The following GRID2 variants were observed in gnomAD, a reference collection of about 807,000 sequenced individuals.
GRID2 encodes the protein glutamate ionotropic receptor delta type subunit 2.
GRID2 carries 33 observed loss-of-function variants against 114.8 expected under a neutral mutation model. The ratio of observed to expected loss-of-function variants is 0.29; its 90% CI spans 0.22 to 0.38. The LOEUF is 0.38. GRID2 is among the 10% of genes least tolerant of loss of function. The pLI is 1.00. For missense variants in GRID2, 1,184 were observed against 1,257.7 expected, an observed-to-expected ratio of 0.94 and a Z score of 0.89; for synonymous variants, 505 against 449.9, an observed-to-expected ratio of 1.12 and a Z score of -1.55.
intron 2 of GRID2, among the ~76,000 whole-genome samples, chr4:92,810,151 A>G (rs1740600545): frequency 6.6e-6 from 1 of 151,974 alleles, no homozygotes; most frequent in Non-Finnish European, 1.5e-5. Flanking sequence ...ATAAATTTGA[A>G]TGTCACTTAT....
At chr4:93,279,289 C>A (rs552347043) in intron 8 of GRID2, among the ~76,000 whole-genome samples, 2 of 151,804 alleles carry the variant, frequency 1.3e-5, no homozygotes, top group East Asian at 3.9e-4. Context: ...TTCACTTAGG[C>A]ACACTACGAG....
chr4:93,805,628 A>G (rs181732120), intron 1 of GRID2, among the ~76,000 whole-genome samples: 51 of 152,348 alleles, frequency 3.3e-4, no homozygotes, highest in African/African-American at 1.0e-3. Context: ...TAACAAGGAC[A>G]TAGAGGTAAG....
intron 9 of GRID2, among the ~76,000 whole-genome samples, chr4:93,400,977 C>T (rs1765825041): frequency 6.6e-6 from 1 of 151,986 alleles, no homozygotes; most frequent in Admixed American, 6.6e-5. Context: ...GCTGGGACTA[C>T]AGGTGCATGC....
chr4:93,199,030 TA>T (rs1310063577), intron 4 of GRID2, among the ~76,000 whole-genome samples: 1 of 152,132 alleles, frequency 6.6e-6, no homozygotes, highest in African/African-American at 2.4e-5. Context: ...AAATAATAGC[TA>T]CAAGAAAATA....
intron 2 of GRID2, among the ~76,000 whole-genome samples, chr4:93,055,466 A>T (rs984332607): frequency 6.6e-6 from 1 of 151,864 alleles, no homozygotes; most frequent in Non-Finnish European, 1.5e-5. Flanking sequence ...ACATGTATAC[A>T]TATGTAACTA....
chr4:92,859,426 A>G (rs1744387806), intron 2 of GRID2, among the ~76,000 whole-genome samples: 1 of 152,184 alleles, frequency 6.6e-6, no homozygotes, highest in Non-Finnish European at 1.5e-5. Flanking sequence ...TATTTGCTTT[A>G]TAGCTATATT....
intron 8 of GRID2, among the ~76,000 whole-genome samples, chr4:93,352,518 A>G (rs1560529642): frequency 6.6e-6 from 1 of 151,990 alleles, no homozygotes; most frequent in Non-Finnish European, 1.5e-5. Flanking sequence ...CATTTCCTAG[A>G]TAGGTAAGCT....
chr4:92,513,180 A>C (rs1214021176), intron 1 of GRID2, among the ~76,000 whole-genome samples: 1 of 151,860 alleles, frequency 6.6e-6, no homozygotes, highest in Non-Finnish European at 1.5e-5. Context: ...ACTCTTTCTT[A>C]ATTAACCTAT....
chr4:92,682,990 C>T (rs1211939890), intron 2 of GRID2, among the ~76,000 whole-genome samples: 3 of 152,096 alleles, frequency 2.0e-5, no homozygotes, highest in African/African-American at 7.2e-5. Context: ...CCAGCATCTT[C>T]CTTCCTTTAA....
intron 1 of GRID2, among the ~76,000 whole-genome samples, chr4:92,438,805 A>G (rs1732863200): frequency 6.6e-6 from 1 of 152,150 alleles, no homozygotes; most frequent in African/African-American, 2.4e-5. Context: ...AGATACATGA[A>G]TGCTTATTCT....
intron 2 of GRID2, among the ~76,000 whole-genome samples, chr4:92,619,004 G>A (rs78155534): frequency 0.055 from 8,408 of 151,500 alleles, 296 homozygotes; most frequent in East Asian, 0.16. Flanking sequence ...TTTGGATGCC[G>A]TTTATTGCTT....
At chr4:92,658,793 GTATA>G (rs201480396) in intron 2 of GRID2, among the ~76,000 whole-genome samples, 7,600 of 131,976 alleles carry the variant, frequency 0.058, 501 homozygotes, top group South Asian at 0.086. Flanking sequence ...GTGTGTGTGT[GTATA>G]TATATATATA....
At chr4:92,487,249 C>T (rs1722940443) in intron 1 of GRID2, among the ~76,000 whole-genome samples, 2 of 151,448 alleles carry the variant, frequency 1.3e-5, no homozygotes, top group Admixed American at 6.6e-5. Context: ...TTTATTTTTC[C>T]AGTTTCTTAA....
At chr4:93,754,286 A>G (rs2110292037) in intron 14 of GRID2, among the ~76,000 whole-genome samples, 1 of 152,320 alleles carries the variant, frequency 6.6e-6, no homozygotes, top group Admixed American at 6.5e-5. Context: ...ATATTGGGTC[A>G]CAGTACAAGT....
In GRID2 at chr4:92,304,048, A is replaced by G. The variant is rs1725247696; in HGVS notation, c.-609A>G. 6.5e-6 allele frequency: 1 copy of G among 153,714 alleles called. No individual in the cohort carries two copies. The highest frequency in any genetic ancestry group is 6.5e-5 in the Admixed American group (1 of 15,376). The allele number at this position is 153,714 out of a possible 1,614,324, so 9.5% of individuals were successfully genotyped here. A position where few individuals can be genotyped will look rare whatever the true frequency, so the allele number is the denominator to read the frequency against. On this transcript the variant is annotated 5_prime_UTR_variant, in exon 1 of 16. Coordinates refer to ENST00000282020, the MANE Select transcript of GRID2 (RefSeq NM_001510.4). ...GAATTTTCTCTGCATTACTATCTGC[A>G]TTACCTTGAAGTTCACTTTTTCTAC...
intron 2 of GRID2, among the ~76,000 whole-genome samples, chr4:92,679,369 G>A (rs541651566): frequency 1.2e-3 from 175 of 152,062 alleles, no homozygotes; most frequent in African/African-American, 4.0e-3. Flanking sequence ...TAGCAGAGCA[G>A]CATTTTTTTC....
chr4:92,461,299 C>T (rs925807840), intron 1 of GRID2, among the ~76,000 whole-genome samples: 1 of 151,860 alleles, frequency 6.6e-6, no homozygotes, highest in African/African-American at 2.4e-5. Context: ...AAAGGACATA[C>T]AGCAGGTCCT....
At chr4:93,135,940 G>A (rs1579086716) in intron 4 of GRID2, among the ~76,000 whole-genome samples, 1 of 151,948 alleles carries the variant, frequency 6.6e-6, no homozygotes, top group East Asian at 1.9e-4. Flanking sequence ...TAAACTGTGT[G>A]GTATGCTAAA....
At chr4:92,596,909 A>G (rs1728981822) in intron 2 of GRID2, among the ~76,000 whole-genome samples, 1 of 152,070 alleles carries the variant, frequency 6.6e-6, no homozygotes, top group South Asian at 2.1e-4. Context: ...CTCCAGGAAT[A>G]AAAATGTATT....
Sources: allele counts gnomAD v4.1 joint callset (sites outside exome capture counted in the v4.1 genomes callset), GRCh38; gene constraint gnomAD v4.1.1; transcripts MANE v1.5; gene names NCBI Gene and HGNC (gene_info 2026-07-23, HGNC 2026-07-21).